The following TMEM132D variants were observed in gnomAD, a reference collection of about 807,000 sequenced individuals.
The protein encoded by TMEM132D is mature OL transmembrane protein.
TMEM132D carries 21 observed loss-of-function variants against 62.3 expected under a neutral mutation model. That is an observed-to-expected ratio of 0.34 (90% confidence interval 0.24 to 0.49). The LOEUF is 0.49. Among genes scored for constraint, TMEM132D ranks in the 20% least tolerant of loss-of-function variants. The pLI, the probability that TMEM132D is intolerant of heterozygous loss-of-function variation, is 0.99. For synonymous variants in TMEM132D, 621 were observed against 575.6 expected (o/e 1.08, Z -1.13); for missense variants, 1,346 against 1,402.8 (o/e 0.96, Z 0.65).
rs1158272448 is a variant in TMEM132D at position 129,376,974 on chromosome 12, A to G, written c.1116-39157T>C. Among the ~76,000 whole-genome samples, 6 of 152,218 alleles carry G rather than the reference A, an allele frequency of 3.9e-5. No homozygotes were observed. The South Asian group carries it at 6.2e-4, about 16-fold the overall frequency. On this transcript the variant is annotated intron_variant, in intron 3 of 8. Transcript: ENST00000422113. The stretch of plus-strand genomic sequence containing the variant: ...TTTGCTTTACTTCCTTGTGTGTCCC[A>G]TAAGTCTCCACCTTGCGTTTGCTCA...
intron 1 of TMEM132D, among the ~76,000 whole-genome samples, chr12:129,794,844 T>C (rs896104862): frequency 2.6e-5 from 4 of 152,200 alleles, no homozygotes; most frequent in African/African-American, 9.7e-5. Flanking sequence ...AAGAGAATCA[T>C]ATCACTGCTA....
At chr12:129,749,653 T>C (rs1869935559) in intron 1 of TMEM132D, among the ~76,000 whole-genome samples, 1 of 151,490 alleles carries the variant, frequency 6.6e-6, no homozygotes, top group East Asian at 2.0e-4. Context: ...TTAGTAGAGA[T>C]GGTATTTCAC....
chr12:129,531,331 G>C, intron 2 of TMEM132D, 126 bp from the exon 3 acceptor site: 1 of 1,155,386 alleles, frequency 8.7e-7, no homozygotes, highest in Non-Finnish European at 1.2e-6. Context: ...TGTATACTAG[G>C]ATTTAAACAC....
At chr12:129,730,666 T>C (rs1446434240) in intron 1 of TMEM132D, among the ~76,000 whole-genome samples, 1 of 151,658 alleles carries the variant, frequency 6.6e-6, no homozygotes, top group Non-Finnish European at 1.5e-5. Flanking sequence ...TTTGAGTCAG[T>C]GGACTGGGAA....
chr12:129,895,235 G>C (rs1593202250), intron 1 of TMEM132D, among the ~76,000 whole-genome samples: 3 of 152,194 alleles, frequency 2.0e-5, no homozygotes, highest in African/African-American at 7.2e-5. Context: ...GCTAATCCCA[G>C]TGCCCAGCAT....
At chr12:129,740,922 C>T (rs1869586480) in intron 1 of TMEM132D, among the ~76,000 whole-genome samples, 1 of 152,102 alleles carries the variant, frequency 6.6e-6, no homozygotes, top group African/African-American at 2.4e-5. Flanking sequence ...GACCTCAGGC[C>T]TTTGAATTTA....
Position 129,508,502 on chromosome 12 carries a change from G to A in TMEM132D, c.1115+22557C>T, listed in dbSNP as rs572933033. Among the ~76,000 whole-genome samples the A allele has an allele frequency of 8.4e-4, 127 of 152,064 alleles. 1 individual carries two copies. Among genetic ancestry groups the A allele is most frequent in the African/African-American group, 2.8e-3 (118 of 41,488 alleles). On this transcript the variant is annotated intron_variant, in intron 3 of 8. Coordinates refer to ENST00000422113, the MANE Select transcript of TMEM132D (RefSeq NM_133448.3). ...TCTCTTCCTCTTCCTCCTCCTTCTC[G>A]TTGCAAACAGAACGTATCGCAGAAG...
chr12:129,854,655 G>C (rs1393979189), intron 1 of TMEM132D: 1 of 152,262 alleles, frequency 6.6e-6, no homozygotes, highest in African/African-American at 2.4e-5. Context: ...CGTGGACTGT[G>C]TGCCAGCTGC....
At chr12:129,385,089 T>C (rs1232924791) in intron 3 of TMEM132D, among the ~76,000 whole-genome samples, 2 of 76,994 alleles carry the variant, frequency 2.6e-5, no homozygotes, top group Non-Finnish European at 3.1e-5. Context: ...AAAGTTCTTT[T>C]TTTTTTTTTT....
At chr12:129,723,860 GTTTTCC>G (rs1005557565) in intron 1 of TMEM132D, among the ~76,000 whole-genome samples, 5 of 152,316 alleles carry the variant, frequency 3.3e-5, no homozygotes, top group Admixed American at 2.0e-4. Context: ...ATACAATGTG[GTTTTCC>G]TTTTCCAAGT....
chr12:129,541,846 C>G (rs546101511), intron 2 of TMEM132D, among the ~76,000 whole-genome samples: 91 of 152,308 alleles, frequency 6.0e-4, no homozygotes, highest in African/African-American at 2.0e-3. Context: ...TTACCATTAT[C>G]TTCTTTGTTA....
In TMEM132D at chr12:129,405,896, T is replaced by C. The variant is rs145776489; in HGVS notation, c.1116-68079A>G. 3.3e-5 allele frequency among the ~76,000 whole-genome samples: 5 copies of C among 152,336 alleles called. No homozygotes were observed. In the East Asian group the frequency reaches 9.7e-4, roughly 29 times the overall value. On this transcript the variant is annotated intron_variant, in intron 3 of 8. Transcript: ENST00000422113. ...TACCAGGTCTTTTTCTTTAGTAAGC[T>C]TTCTTTTGCCTGAAGGGAAAATCTC...
chr12:129,413,244 C>T (rs2135706897), intron 3 of TMEM132D, among the ~76,000 whole-genome samples: 1 of 152,200 alleles, frequency 6.6e-6, no homozygotes, highest in South Asian at 2.1e-4. Flanking sequence ...AGGCAGTTTC[C>T]CCCATACTAT....
At chr12:129,737,922 T>G (rs1214655421) in intron 1 of TMEM132D, among the ~76,000 whole-genome samples, 1 of 152,256 alleles carries the variant, frequency 6.6e-6, no homozygotes, top group African/African-American at 2.4e-5. Flanking sequence ...GTATCCATTG[T>G]GGCAATGCCA....
intron 3 of TMEM132D, among the ~76,000 whole-genome samples, chr12:129,350,912 T>G (rs895546327): frequency 6.6e-6 from 1 of 152,198 alleles, no homozygotes; most frequent in South Asian, 2.1e-4. Flanking sequence ...ATGCTATACA[T>G]GACGAATGAG....
At chr12:129,519,344 G>T (rs1875779856) in intron 3 of TMEM132D, among the ~76,000 whole-genome samples, 1 of 152,096 alleles carries the variant, frequency 6.6e-6, no homozygotes, top group African/African-American at 2.4e-5. Flanking sequence ...ATTTCAAAAT[G>T]TACCCTGCCC....
chr12:129,243,191 C>T (rs1879981813), intron 4 of TMEM132D, among the ~76,000 whole-genome samples: 1 of 152,202 alleles, frequency 6.6e-6, no homozygotes, highest in Admixed American at 6.5e-5. Context: ...TAGTACCAAT[C>T]ATTAAGTGCT....
chr12:129,468,698 G>C (rs1873999232), intron 3 of TMEM132D, among the ~76,000 whole-genome samples: 1 of 152,118 alleles, frequency 6.6e-6, no homozygotes, highest in Non-Finnish European at 1.5e-5. Context: ...GATGCCTCCA[G>C]TGGCCTCCTC....
At chr12:129,297,224 G>T (rs1349417854) in intron 4 of TMEM132D, among the ~76,000 whole-genome samples, 1 of 152,144 alleles carries the variant, frequency 6.6e-6, no homozygotes, top group Non-Finnish European at 1.5e-5. Flanking sequence ...GGAACCAGGT[G>T]GGGCAGACAG....
Sources: gnomAD v4.1 joint callset for allele counts (sites outside exome capture counted in the v4.1 genomes callset) on GRCh38, gnomAD v4.1.1 for gene constraint, MANE v1.5 for transcripts, NCBI Gene and HGNC (gene_info 2026-07-23, HGNC 2026-07-21) for gene names.